Variants in SERPINI1 observed in about 807,000 individuals in gnomAD.
SERPINI1 encodes the protein neuroserpin.
A neutral mutation model predicts 41.1 loss-of-function variants in SERPINI1; 19 were observed. The ratio of observed to expected loss-of-function variants is 0.46; its 90% confidence interval spans 0.32 to 0.68. The LOEUF is 0.68. SERPINI1 is among the 30% of genes least tolerant of loss of function. SERPINI1 has a pLI of 0.03. For missense variants in SERPINI1, 460 were observed against 479.2 expected (o/e 0.96, Z 0.37); for synonymous variants, 138 against 156.6 (o/e 0.88, Z 0.89).
chr3:167,809,097 T>G (rs1656935759), intron 6 of SERPINI1, among the ~76,000 whole-genome samples: 1 of 152,188 alleles, frequency 6.6e-6, no homozygotes, highest in Admixed American at 6.6e-5. Context: ...GAGTAAATGT[T>G]TTCATGGCTT....
At chr3:167,804,973 ATTT>A (rs1711578058) in intron 5 of SERPINI1, among the ~76,000 whole-genome samples, 1 of 152,242 alleles carries the variant, frequency 6.6e-6, no homozygotes, top group East Asian at 1.9e-4. Context: ...TGTGGAAACT[ATTT>A]TTTAAGTTAA....
intron 1 of SERPINI1, among the ~76,000 whole-genome samples, chr3:167,781,512 G>A (rs1202081048): frequency 6.6e-6 from 1 of 151,752 alleles, no homozygotes; most frequent in Non-Finnish European, 1.5e-5. Flanking sequence ...GCCCTATGTA[G>A]GTTCTTTCAA....
intron 4 of SERPINI1, among the ~76,000 whole-genome samples, chr3:167,793,594 A>ATTTTTTTTTTTTTT (rs544906097): frequency 9.4e-5 from 10 of 106,414 alleles, no homozygotes; most frequent in African/African-American, 3.8e-4. Flanking sequence ...ATATATATAT[A>ATTTTTTTTTTTTTT]TATTTTTAAT....
intron 6 of SERPINI1, among the ~76,000 whole-genome samples, chr3:167,816,336 A>G (rs1385116378): frequency 2.6e-5 from 4 of 152,220 alleles, no homozygotes; most frequent in Non-Finnish European, 5.9e-5. Context: ...ATGAGCCACA[A>G]TGCCCGGCCT....
chr3:167,793,773 T>C (rs980929800), intron 4 of SERPINI1, among the ~76,000 whole-genome samples: 7 of 150,246 alleles, frequency 4.7e-5, no homozygotes, highest in South Asian at 2.1e-4. Context: ...TACATACAGG[T>C]TTTATATGTA....
intron 1 of SERPINI1, among the ~76,000 whole-genome samples, chr3:167,785,591 A>G (rs748586332): frequency 5.9e-5 from 9 of 152,238 alleles, no homozygotes; most frequent in African/African-American, 1.2e-4. Context: ...TAAAATGGAG[A>G]TAATAAGTGT....
At chr3:167,817,667 G>A (rs906204290) in intron 6 of SERPINI1, among the ~76,000 whole-genome samples, 12 of 151,762 alleles carry the variant, frequency 7.9e-5, no homozygotes, top group Middle Eastern at 3.4e-3. Context: ...GCCGGATCTC[G>A]GCTCACTGCA....
At chr3:167,820,181 C>T (rs558531244) in intron 6 of SERPINI1, among the ~76,000 whole-genome samples, 3 of 151,214 alleles carry the variant, frequency 2.0e-5, no homozygotes, top group South Asian at 4.2e-4. Flanking sequence ...TCTATCTTCA[C>T]GTGGTATATT....
chr3:167,737,826 G>A (rs1398474518), intron 1 of SERPINI1, among the ~76,000 whole-genome samples: 8 of 152,094 alleles, frequency 5.3e-5, no homozygotes, highest in Non-Finnish European at 1.5e-5. Context: ...TCTGCTCTGA[G>A]ACACGGTAAA....
chr3:167,816,504 T>C (rs1030863965), intron 6 of SERPINI1, among the ~76,000 whole-genome samples: 4 of 152,198 alleles, frequency 2.6e-5, no homozygotes, highest in African/African-American at 9.6e-5. Context: ...TATGACAGTA[T>C]ACTGGGTTAA....
chr3:167,760,562 TGTGTGTGTGTGTGTG>T (rs1422753258), intron 1 of SERPINI1, among the ~76,000 whole-genome samples: 1 of 930 alleles, frequency 1.1e-3, no homozygotes, highest in Non-Finnish European at 2.1e-3. Flanking sequence ...GGCTCCAAAT[TGTGTGTGTGTGTGTG>T]TGTGTGTGTG....
chr3:167,776,284 C>T (rs1204239378), intron 1 of SERPINI1, among the ~76,000 whole-genome samples: 1 of 152,214 alleles, frequency 6.6e-6, no homozygotes, highest in African/African-American at 2.4e-5. Context: ...CAAAGGAAGT[C>T]ATTCATTGGC....
intron 1 of SERPINI1, among the ~76,000 whole-genome samples, chr3:167,775,225 T>TTTATTATTATTA (rs558261774): frequency 2.6e-4 from 35 of 134,346 alleles, no homozygotes; most frequent in East Asian, 6.6e-4. Context: ...GAAGTGTCAC[T>TTTATTATTATTA]TTATTATTAT....
At chr3:167,763,823 A>G (rs1457644919) in intron 1 of SERPINI1, among the ~76,000 whole-genome samples, 2 of 152,138 alleles carry the variant, frequency 1.3e-5, no homozygotes, top group Non-Finnish European at 2.9e-5. Flanking sequence ...CCACACACTC[A>G]GAAGTGCCAG....
intron 1 of SERPINI1, among the ~76,000 whole-genome samples, chr3:167,787,541 T>C (rs1727354356): frequency 6.6e-6 from 1 of 152,172 alleles, no homozygotes; most frequent in African/African-American, 2.4e-5. Flanking sequence ...ATCAGTAGAC[T>C]GGCAGGGCTG....
chr3:167,763,520 C>T (rs1325933976), intron 1 of SERPINI1, among the ~76,000 whole-genome samples: 1 of 152,094 alleles, frequency 6.6e-6, no homozygotes. Context: ...ACTGGAAACA[C>T]AGGTGTGCAC....
At chr3:167,820,341 G>A (rs909935426) in intron 6 of SERPINI1, among the ~76,000 whole-genome samples, 2 of 152,218 alleles carry the variant, frequency 1.3e-5, no homozygotes, top group Admixed American at 6.5e-5. Flanking sequence ...CCCCTTCTGA[G>A]TTGGAGAGGC....
rs750362230 is a variant in SERPINI1, at chr3:167,794,589, G to A, written c.677-31G>A. ...CCCAGCTTTTTTTAAGCTTTGATAG[G>A]CATCTTTTATGGCCTTTATTTTCTT... On this transcript the variant is annotated intron_variant, in intron 4 of 8. Transcript: ENST00000446050. 1.9e-6 allele frequency: 3 copies of A among 1,592,436 alleles called. 1 individual carries two copies. The highest frequency in any genetic ancestry group is 2.2e-5 in the South Asian group (2 of 90,342).
At chr3:167,810,306 G>T (rs531355855) in intron 6 of SERPINI1, among the ~76,000 whole-genome samples, 3 of 152,006 alleles carry the variant, frequency 2.0e-5, no homozygotes, top group East Asian at 1.9e-4. Context: ...AAAATTATTT[G>T]CATGCATTTT....
Sources: gnomAD v4.1 joint callset for allele counts (sites outside exome capture counted in the v4.1 genomes callset) on GRCh38, gnomAD v4.1.1 for gene constraint, MANE v1.5 for transcripts, NCBI Gene and HGNC (gene_info 2026-07-23, HGNC 2026-07-21) for gene names.